SNX29: variants seen among roughly 807,000 people sequenced by gnomAD.
SNX29 encodes sorting nexin-29.
A neutral mutation model predicts 102.1 loss-of-function variants in SNX29; 78 were observed. The observed-to-expected ratio is 0.76, with a 90% confidence interval of 0.64 to 0.92. SNX29 has a LOEUF of 0.92. Among genes scored for constraint, SNX29 ranks in the 40% least tolerant of loss-of-function variants. The pLI, the probability that SNX29 is intolerant of heterozygous loss-of-function variation, is 0.00. For missense variants in SNX29, 1,280 were observed against 1,061.7 expected (o/e 1.21, Z -2.86); for synonymous variants, 580 against 414.5 (o/e 1.40, Z -4.85).
chr16:12,280,681 T>C (rs145686090), intron 15 of SNX29, among the ~76,000 whole-genome samples: 78 of 152,328 alleles, frequency 5.1e-4, no homozygotes, highest in African/African-American at 1.8e-3. Context: ...GTTCTGCCGG[T>C]GATCTTTCAT....
At chr16:12,280,825 G>C (rs893130438) in intron 15 of SNX29, among the ~76,000 whole-genome samples, 1 of 152,204 alleles carries the variant, frequency 6.6e-6, no homozygotes, top group African/African-American at 2.4e-5. Flanking sequence ...AGACTTGTTA[G>C]AGTAATGAAC....
At chr16:12,440,742 C>G (rs190806920) in intron 18 of SNX29, among the ~76,000 whole-genome samples, 1 of 152,234 alleles carries the variant, frequency 6.6e-6, no homozygotes, top group East Asian at 1.9e-4. Context: ...GCCTCTACCC[C>G]CATCCATGTC....
intron 15 of SNX29, among the ~76,000 whole-genome samples, chr16:12,319,096 G>C (rs921534992): frequency 4.6e-5 from 7 of 152,092 alleles, no homozygotes; most frequent in African/African-American, 1.7e-4. Flanking sequence ...CATGCTTCAA[G>C]GCCCAGGAAA....
intron 20 of SNX29, chr16:12,556,355 G>A (rs2078348699): frequency 6.6e-6 from 1 of 152,224 alleles, no homozygotes; most frequent in Non-Finnish European, 1.5e-5. Flanking sequence ...TCACTCACCT[G>A]GTTGAGTATA....
At chr16:12,106,940 C>G (rs1019233775) in intron 11 of SNX29, among the ~76,000 whole-genome samples, 1 of 151,848 alleles carries the variant, frequency 6.6e-6, no homozygotes, top group Non-Finnish European at 1.5e-5. Context: ...TTTAGCCTCC[C>G]AAGTAGCTGG....
At position 11,999,369 on chromosome 16, in the gene SNX29, A is replaced by G. The variant is rs1373675283; in HGVS notation, c.69+11A>G. 4 of 1,614,002 alleles carry G rather than the reference A, an allele frequency of 2.5e-6. No homozygotes were observed. The highest frequency in any genetic ancestry group is 3.4e-6 in the Non-Finnish European group (4 of 1,179,908). ...GATGCAGTGAAACAGGTAAGCAGAA[A>G]GCACACATTTGCCTTTTTGGTCGAG... On this transcript the variant is annotated intron_variant, in intron 2 of 20. Coordinates refer to ENST00000566228, the MANE Select transcript of SNX29 (RefSeq NM_032167.5).
intron 15 of SNX29, among the ~76,000 whole-genome samples, chr16:12,283,757 A>C (rs1377761689): frequency 6.6e-6 from 1 of 152,226 alleles, no homozygotes; most frequent in Non-Finnish European, 1.5e-5. Flanking sequence ...GGTGAGGCAG[A>C]CGTGCCTGTT....
intron 20 of SNX29, among the ~76,000 whole-genome samples, chr16:12,543,590 G>C (rs1020858774): frequency 1.3e-5 from 2 of 152,190 alleles, no homozygotes; most frequent in African/African-American, 2.4e-5. Flanking sequence ...GTGCGTCCCA[G>C]TTCATCCTCC....
At chr16:12,201,915 T>G (rs569854460) in intron 14 of SNX29, among the ~76,000 whole-genome samples, 10 of 152,318 alleles carry the variant, frequency 6.6e-5, no homozygotes, top group East Asian at 3.9e-4. Flanking sequence ...AGGTTCCATA[T>G]GCCCATTCTC....
chr16:12,571,161 C>A lies in SNX29; in HGVS notation c.*2532C>A, dbSNP rs781278484. On this transcript the variant is annotated 3_prime_UTR_variant, in exon 21 of 21. Transcript: ENST00000566228. ...TCCATCTTGCTGCTCAGAAGAATCC[C>A]GTCCTGCTCTCTAGTGTGGTGGGAT... 4.3e-6 allele frequency: 1 copy of A among 232,510 alleles called. No homozygotes were observed. Among genetic ancestry groups the A allele is most frequent in the Non-Finnish European group, 8.5e-6 (1 of 117,640 alleles). 14.4% of individuals were successfully genotyped at this position (232,510 alleles called of 1,614,324 possible).
intron 15 of SNX29, among the ~76,000 whole-genome samples, chr16:12,292,552 G>T (rs552671281): frequency 8.5e-5 from 13 of 152,264 alleles, no homozygotes; most frequent in African/African-American, 1.9e-4. Flanking sequence ...CAGGTCAGTG[G>T]TGCTGAGAGG....
chr16:12,094,242 G>A (rs185314178), intron 11 of SNX29, among the ~76,000 whole-genome samples: 6 of 152,208 alleles, frequency 3.9e-5, no homozygotes, highest in Admixed American at 3.9e-4. Flanking sequence ...ATCGAAGGGT[G>A]TTATATGCTA....
intron 15 of SNX29, among the ~76,000 whole-genome samples, chr16:12,345,103 G>A (rs1261112260): frequency 6.6e-6 from 1 of 152,220 alleles, no homozygotes; most frequent in Non-Finnish European, 1.5e-5. Context: ...AGTGTCTGGT[G>A]TTGTCAGTGG....
chr16:12,339,097 G>T (rs1596982696), intron 15 of SNX29, among the ~76,000 whole-genome samples: 1 of 152,208 alleles, frequency 6.6e-6, no homozygotes, highest in Non-Finnish European at 1.5e-5. Context: ...GCCGGGCATG[G>T]TGGCTCACAC....
At chr16:12,261,944 G>A (rs1384362656) in intron 14 of SNX29, among the ~76,000 whole-genome samples, 3 of 143,444 alleles carry the variant, frequency 2.1e-5, no homozygotes, top group Admixed American at 6.9e-5. Context: ...AGGTCTGCAC[G>A]TGTCCCCGGC....
chr16:12,332,387 A>G (rs2081315958), intron 15 of SNX29, among the ~76,000 whole-genome samples: 3 of 152,258 alleles, frequency 2.0e-5, no homozygotes, highest in East Asian at 1.9e-4. Context: ...TTTGGCATCT[A>G]GCTGGGTTGC....
At chr16:12,540,652 G>C (rs1398663571) in intron 20 of SNX29, among the ~76,000 whole-genome samples, 2 of 152,178 alleles carry the variant, frequency 1.3e-5, no homozygotes, top group African/African-American at 2.4e-5. Context: ...CATCTCAAAA[G>C]CCTGAATGTA....
chr16:12,287,895 G>C (rs2079651428), intron 15 of SNX29, among the ~76,000 whole-genome samples: 2 of 152,162 alleles, frequency 1.3e-5, no homozygotes, highest in South Asian at 4.1e-4. Context: ...TCTCCTACCA[G>C]TGTTTTTTGA....
At chr16:12,397,750 G>T (rs960696254) in intron 16 of SNX29, among the ~76,000 whole-genome samples, 1 of 152,206 alleles carries the variant, frequency 6.6e-6, no homozygotes, top group Non-Finnish European at 1.5e-5. Context: ...TGTGACAGCT[G>T]TGAGAATCAG....
Sources: gnomAD v4.1 joint callset for allele counts (sites outside exome capture counted in the v4.1 genomes callset) on GRCh38, gnomAD v4.1.1 for gene constraint, MANE v1.5 for transcripts, NCBI Gene and HGNC (gene_info 2026-07-23, HGNC 2026-07-21) for gene names.